Variants in SDK1 observed in about 807,000 individuals in gnomAD.
SDK1 encodes the protein protein sidekick-1.
SDK1 carries 157 observed loss-of-function variants against 245.5 expected under a neutral mutation model. That is an observed-to-expected ratio of 0.64 (90% CI 0.56 to 0.73). The LOEUF is 0.73. SDK1 is among the 30% of genes least tolerant of loss of function. SDK1 has a pLI of 0.00. For missense variants in SDK1, 3,583 were observed against 3,002.3 expected (o/e 1.19, Z -4.52); for synonymous variants, 1,647 against 1,278.5 (o/e 1.29, Z -6.15).
chr7:3,931,732 C>T (rs1234719297), intron 5 of SDK1, among the ~76,000 whole-genome samples: 1 of 152,086 alleles, frequency 6.6e-6, no homozygotes, highest in Admixed American at 6.6e-5. Context: ...TTTCTCTTTC[C>T]CTCTCCGTGC....
At chr7:3,567,890 C>T (rs1779979459) in intron 1 of SDK1, among the ~76,000 whole-genome samples, 1 of 152,212 alleles carries the variant, frequency 6.6e-6, no homozygotes, top group Non-Finnish European at 1.5e-5. Context: ...TAGCTCATTG[C>T]AGCCTCGAAC....
intron 35 of SDK1, among the ~76,000 whole-genome samples, chr7:4,184,047 C>T (rs1231270368): frequency 6.6e-6 from 1 of 152,204 alleles, no homozygotes; most frequent in Non-Finnish European, 1.5e-5. Flanking sequence ...TTCGCCATTC[C>T]CTTTCTAGCC....
chr7:4,089,072 G>C (rs1022083062), intron 22 of SDK1, among the ~76,000 whole-genome samples: 1 of 140,596 alleles, frequency 7.1e-6, no homozygotes, highest in Non-Finnish European at 1.5e-5. Context: ...GTGGAGGTGA[G>C]ACCCTCCCTC....
chr7:3,379,607 A>C (rs73294266), intron 1 of SDK1, among the ~76,000 whole-genome samples: 2,486 of 152,256 alleles, frequency 0.016, 49 homozygotes, highest in African/African-American at 0.034. Context: ...TCTTCTGTTT[A>C]ATGGGATTTG....
At chr7:3,396,258 C>G (rs1023003215) in intron 1 of SDK1, among the ~76,000 whole-genome samples, 3 of 151,786 alleles carry the variant, frequency 2.0e-5, no homozygotes, top group African/African-American at 7.2e-5. Flanking sequence ...GGTAAATATA[C>G]TTTATACGAT....
chr7:3,771,334 C>T (rs1780401400), intron 4 of SDK1, among the ~76,000 whole-genome samples: 1 of 152,136 alleles, frequency 6.6e-6, no homozygotes, highest in African/African-American at 2.4e-5. Context: ...AAGCAAGTCA[C>T]AGGATCAGCC....
intron 28 of SDK1, among the ~76,000 whole-genome samples, chr7:4,137,112 C>G (rs1325510857): frequency 2.0e-5 from 3 of 152,156 alleles, no homozygotes; most frequent in African/African-American, 7.2e-5. Flanking sequence ...CTTTTGTTTC[C>G]CAGGGAAGTG....
intron 4 of SDK1, among the ~76,000 whole-genome samples, chr7:3,749,722 G>T (rs932441829): frequency 2.0e-5 from 3 of 151,388 alleles, no homozygotes; most frequent in Non-Finnish European, 3.0e-5. Context: ...CCTTGGTGCA[G>T]AGAGAGAGAG....
At chr7:3,468,252 T>G (rs1387280011) in intron 1 of SDK1, among the ~76,000 whole-genome samples, 3 of 152,170 alleles carry the variant, frequency 2.0e-5, no homozygotes, top group Admixed American at 6.5e-5. Context: ...TCATGTCCAG[T>G]GATGTGTTTT....
chr7:3,667,477 T>G (rs570031613), intron 4 of SDK1, among the ~76,000 whole-genome samples: 1 of 152,324 alleles, frequency 6.6e-6, no homozygotes, highest in East Asian at 1.9e-4. Flanking sequence ...AAGGATAGAA[T>G]TCACTCTTTT....
At chr7:3,489,785 A>T (rs957749328) in intron 1 of SDK1, among the ~76,000 whole-genome samples, 1 of 152,358 alleles carries the variant, frequency 6.6e-6, no homozygotes, top group Non-Finnish European at 1.5e-5. Context: ...GTCCTATTAA[A>T]ATTTGATCAC....
chr7:3,454,122 T>C (rs1039842188), intron 1 of SDK1, among the ~76,000 whole-genome samples: 4 of 152,176 alleles, frequency 2.6e-5, no homozygotes, highest in Admixed American at 6.5e-5. Flanking sequence ...TTTTTACTTA[T>C]ATAAACTTGG....
At chr7:3,796,542 C>T (rs1044230712) in intron 4 of SDK1, among the ~76,000 whole-genome samples, 1 of 152,126 alleles carries the variant, frequency 6.6e-6, no homozygotes, top group African/African-American at 2.4e-5. Context: ...ACAATCCATT[C>T]CAGGACCCCA....
intron 4 of SDK1, among the ~76,000 whole-genome samples, chr7:3,821,120 G>A (rs1010002173): frequency 2.0e-5 from 3 of 152,162 alleles, no homozygotes; most frequent in Non-Finnish European, 4.4e-5. Flanking sequence ...AACTGGTCTT[G>A]TTATGCATTC....
At chr7:3,558,970 A>G (rs1372791998) in intron 1 of SDK1, among the ~76,000 whole-genome samples, 1 of 152,234 alleles carries the variant, frequency 6.6e-6, no homozygotes, top group African/African-American at 2.4e-5. Context: ...ATTGTTTGAA[A>G]GAAGGCTTTG....
chr7:3,809,223 T>G (rs1165519761), intron 4 of SDK1, among the ~76,000 whole-genome samples: 2 of 151,170 alleles, frequency 1.3e-5, no homozygotes, highest in African/African-American at 2.4e-5. Context: ...AAGGGGGAGG[T>G]GCCACACACT....
At chr7:3,568,293 T>C (rs1187558635) in intron 1 of SDK1, among the ~76,000 whole-genome samples, 1 of 152,216 alleles carries the variant, frequency 6.6e-6, no homozygotes, top group Non-Finnish European at 1.5e-5. Context: ...TTTAGGTAAC[T>C]GATATACTCT....
chr7:3,991,017 C>G (rs1466610399), intron 14 of SDK1, among the ~76,000 whole-genome samples: 1 of 152,250 alleles, frequency 6.6e-6, no homozygotes, highest in African/African-American at 2.4e-5. Context: ...GGGTGCAGAG[C>G]TGACGTGATC....
Position 3,518,342 on chromosome 7 carries a change from T to C in SDK1, c.299-100738T>C, listed in dbSNP as rs368695617. 8.5e-5 allele frequency among the ~76,000 whole-genome samples: 13 copies of C among 152,102 alleles called. No individual in the cohort carries two copies. The South Asian group carries it at 2.1e-3, about 24-fold the overall frequency. ...GCAACAAAAGTAAAAATAAATGGGATTATTTCAAACTCAAAAGCTTCTGCA... is the reference window on the plus strand; with the variant it reads ...GCAACAAAAGTAAAAATAAATGGGACTATTTCAAACTCAAAAGCTTCTGCA... On this transcript the variant is annotated intron_variant, in intron 1 of 44. Transcript: ENST00000404826.
Sources: gnomAD v4.1 joint callset for allele counts (sites outside exome capture counted in the v4.1 genomes callset) on GRCh38, gnomAD v4.1.1 for gene constraint, MANE v1.5 for transcripts, NCBI Gene and HGNC (gene_info 2026-07-23, HGNC 2026-07-21) for gene names.